The following GPAT3 variants were observed in gnomAD, a reference collection of about 807,000 sequenced individuals.
GPAT3 encodes 1-AGP acyltransferase 9.
GPAT3 carries 53 observed loss-of-function variants against 58.8 expected under a neutral mutation model. The ratio of observed to expected loss-of-function variants is 0.90; its 90% CI spans 0.72 to 1.13. The LOEUF (loss-of-function observed/expected upper bound fraction) is 1.13, where lower values mean the gene tolerates loss of function less well. Ranked by LOEUF, GPAT3 falls within the 50% of genes most tolerant of loss-of-function variation. The pLI is 0.00. For missense variants in GPAT3, 511 were observed against 527.6 expected (o/e 0.97, Z 0.31); for synonymous variants, 197 against 187.4 (o/e 1.05, Z -0.42).
intron 11 of GPAT3, among the ~76,000 whole-genome samples, chr4:83,599,059 C>G (rs1050513019): frequency 6.6e-6 from 1 of 151,828 alleles, no homozygotes; most frequent in Non-Finnish European, 1.5e-5. Context: ...GCTGGGATTA[C>G]AGTCATGAGC....
At chr4:83,593,429 G>A (rs144294937) in intron 6 of GPAT3, among the ~76,000 whole-genome samples, 1,656 of 152,024 alleles carry the variant, frequency 0.011, 25 homozygotes, top group African/African-American at 0.038. Context: ...GCCTCCCAAA[G>A]TGCTGGGAAT....
intron 2 of GPAT3, among the ~76,000 whole-genome samples, chr4:83,545,478 T>C (rs946341362): frequency 2.4e-4 from 36 of 152,080 alleles, no homozygotes; most frequent in African/African-American, 8.0e-4. Context: ...TCAAATACTT[T>C]ACTGGAAGGA....
chr4:83,577,904 A>G (rs1350028144), intron 2 of GPAT3, among the ~76,000 whole-genome samples: 1 of 145,998 alleles, frequency 6.8e-6, no homozygotes, highest in African/African-American at 2.6e-5. Context: ...GATTCAAGTG[A>G]TTCTACTGCC....
At chr4:83,579,555 G>T (rs1280089926) in intron 2 of GPAT3, among the ~76,000 whole-genome samples, 2 of 152,038 alleles carry the variant, frequency 1.3e-5, no homozygotes, top group African/African-American at 4.8e-5. Flanking sequence ...ACCTCCCAAA[G>T]TGTTGGAATT....
intron 5 of GPAT3, 147 bp downstream of exon 5, chr4:83,588,446 A>G (rs1726470866): frequency 3.0e-6 from 2 of 665,908 alleles, no homozygotes; most frequent in African/African-American, 1.8e-5. Flanking sequence ...TGGCACAGGC[A>G]TGATGCACAA....
chr4:83,604,132 C>T (rs1388994292), intron 11 of GPAT3, among the ~76,000 whole-genome samples: 11 of 152,086 alleles, frequency 7.2e-5, no homozygotes, highest in African/African-American at 9.7e-5. Flanking sequence ...AGTGCAATGG[C>T]GTGATCTCGG....
chr4:83,598,751 CTTTTTTTTTTTTTTTTTTTTTTTTTT>C, intron 11 of GPAT3, 28 bp downstream of exon 11: 2 of 150,716 alleles, frequency 1.3e-5, no homozygotes, highest in Non-Finnish European at 2.5e-5. Flanking sequence ...AGTACTATCA[CTTTTTTTTTTTTTTTTTTTTTTTTTT>C]TTTTTTTTTT....
chr4:83,591,721 T>A (rs1251675482), intron 6 of GPAT3, among the ~76,000 whole-genome samples: 1 of 152,154 alleles, frequency 6.6e-6, no homozygotes, highest in Non-Finnish European at 1.5e-5. Context: ...ATATTTGACC[T>A]TCCCTGTAAT....
chr4:83,565,841 C>G (rs184834764), intron 2 of GPAT3, among the ~76,000 whole-genome samples: 1 of 152,142 alleles, frequency 6.6e-6, no homozygotes, highest in African/African-American at 2.4e-5. Flanking sequence ...GGTTTACAAG[C>G]GCTTTGTTCT....
rs1434036339 is a variant in GPAT3 at position 83,604,999 on chromosome 4, T to A, written c.*232T>A. ...AGGTGGTTTACTGAGTTAAAACAGA[T>A]TCTGCTTTTGTAAAATGATGGCATC... On this transcript the variant is annotated 3_prime_UTR_variant, in exon 12 of 12. Transcript: ENST00000264409. The A allele has an allele frequency of 7.2e-5, 28 of 387,614 alleles. No individual in the cohort carries two copies. The East Asian group carries it at 1.1e-3, about 15-fold the overall frequency. 24.0% of individuals were successfully genotyped at this position (387,614 alleles called of 1,614,324 possible).
intron 3 of GPAT3, among the ~76,000 whole-genome samples, chr4:83,583,682 A>G (rs1458141474): frequency 2.0e-5 from 3 of 148,522 alleles, no homozygotes; most frequent in Admixed American, 6.7e-5. Flanking sequence ...AAAAAAAAAA[A>G]AAAAAAAAAA....
intron 2 of GPAT3, among the ~76,000 whole-genome samples, chr4:83,574,624 A>ATTTTTTTTTTTTTTTTTTTTTT (rs561972057): frequency 7.2e-5 from 4 of 55,590 alleles, no homozygotes; most frequent in Non-Finnish European, 1.0e-4. Flanking sequence ...AGTAAAATGA[A>ATTTTTTTTTTTTTTTTTTTTTT]TTTTTTTTTT....
intron 6 of GPAT3, among the ~76,000 whole-genome samples, chr4:83,593,512 A>C (rs1726690323): frequency 2.6e-5 from 4 of 152,160 alleles, no homozygotes; most frequent in Admixed American, 1.3e-4. Flanking sequence ...ATCTGAATAC[A>C]TCCAACTCTT....
chr4:83,535,950 G>A, upstream of GPAT3: 1 of 985,606 alleles, frequency 1.0e-6, no homozygotes, highest in Non-Finnish European at 1.2e-6. Flanking sequence ...CCTTTGCTGA[G>A]TGCTGGGGGA....
intron 1 of GPAT3, among the ~76,000 whole-genome samples, chr4:83,541,832 A>T (rs1047624418): frequency 6.6e-6 from 1 of 152,174 alleles, no homozygotes; most frequent in South Asian, 2.1e-4. Context: ...CTAGGCTTGG[A>T]TGTGGCCGCC....
intron 6 of GPAT3, 109 bp downstream of exon 6, chr4:83,590,401 C>A: frequency 3.2e-6 from 3 of 926,240 alleles, no homozygotes; most frequent in Admixed American, 2.2e-5. Context: ...AATTTGACTG[C>A]GTTATACTAT....
At chr4:83,579,073 TCTTTCTTCCCTTC>T (rs1725989256) in intron 2 of GPAT3, among the ~76,000 whole-genome samples, 1 of 31,346 alleles carries the variant, frequency 3.2e-5, no homozygotes, top group Non-Finnish European at 6.6e-5. Flanking sequence ...TTTCTTTCTT[TCTTTCTTCCCTTC>T]CTTCCTTCCT....
chr4:83,604,863 G>A lies in GPAT3; in HGVS notation c.*96G>A. ...GTTTTATTGTTTTGTTTTTATTATT[G>A]TTAATCTTTTCTACAGAATGATTGT... On this transcript the variant is annotated 3_prime_UTR_variant, in exon 12 of 12. Transcript: ENST00000264409. 9.8e-7 allele frequency: 1 copy of A among 1,023,396 alleles called. No homozygotes were observed. Among genetic ancestry groups the A allele is most frequent in the South Asian group, 1.6e-5 (1 of 62,258 alleles). 63.4% of individuals were successfully genotyped at this position (1,023,396 alleles called of 1,614,324 possible). A position where few individuals can be genotyped will look rare whatever the true frequency, so the allele number is the denominator to read the frequency against.
At chr4:83,587,486 G>A (rs1726422449) in intron 4 of GPAT3, among the ~76,000 whole-genome samples, 157 bp downstream of exon 4, 2 of 152,152 alleles carry the variant, frequency 1.3e-5, no homozygotes. Context: ...GAGTGCAATG[G>A]TGTGATCTTG....
Sources: allele counts gnomAD v4.1 joint callset (sites outside exome capture counted in the v4.1 genomes callset), GRCh38; gene constraint gnomAD v4.1.1; transcripts MANE v1.5; gene names NCBI Gene and HGNC (gene_info 2026-07-23, HGNC 2026-07-21).